The following TYK2 variants were observed in gnomAD, a reference collection of about 807,000 sequenced individuals.
TYK2 encodes non-receptor tyrosine-protein kinase TYK2.
Under a neutral mutation model 130.9 loss-of-function variants are expected in TYK2, and 65 were observed. That is an observed-to-expected ratio of 0.50 (90% CI 0.41 to 0.61). The LOEUF (loss-of-function observed/expected upper bound fraction) is 0.61. Ranked by LOEUF, TYK2 falls within the 20% of genes least tolerant of loss-of-function variation. TYK2 has a pLI of 0.00. For synonymous variants in TYK2, 647 were observed against 658.9 expected, an observed-to-expected ratio of 0.98 and a Z score of 0.28; for missense variants, 1,378 against 1,610.7, an observed-to-expected ratio of 0.86 and a Z score of 2.47.
chr19:10,356,816 G>T, intron 17 of TYK2, 98 bp from the exon 18 acceptor site: 1 of 1,307,120 alleles, frequency 7.7e-7, no homozygotes, highest in Non-Finnish European at 1.1e-6. Context: ...ACCGCCAGGT[G>T]CCCGCTCTTA....
intron 16 of TYK2, 41 bp downstream of exon 16, chr19:10,357,962 G>A: frequency 6.2e-7 from 1 of 1,613,464 alleles, no homozygotes; most frequent in Non-Finnish European, 8.5e-7. Context: ...AAAGGAGCAG[G>A]GGAAGCCCCC....
chr19:10,370,001 G>GC (rs2041846137), intron 3 of TYK2: 2 of 317,306 alleles, frequency 6.3e-6, no homozygotes, highest in Admixed American at 4.5e-5. Context: ...CCGAGATTGC[G>GC]CCACTGCACT....
chr19:10,359,288 C>T lies in TYK2; in HGVS notation c.2062G>A (p.Glu688Lys). 1 of 1,611,676 alleles carries T rather than the reference C, an allele frequency of 6.2e-7. No individual in the cohort carries two copies. The highest frequency in any genetic ancestry group is 8.5e-7 in the Non-Finnish European group (1 of 1,179,928). The change falls in exon 15 of 25, where the codon GAG becomes AAG. Residue 688 changes from glutamate to lysine, a missense_variant. Glu to Lys is a moderately conservative substitution (Grantham distance 56, BLOSUM62 1). Transcript: ENST00000525621. The part of the protein sequence containing the change: ...VRGPENIMVT[E>K]YVEHGPLDVW... The stretch of plus-strand genomic sequence containing the variant: ...TCCAGGGGTCCGTGCTCCACGTACT[C>T]TGTCACCATGATATCTGTAAAGACA...
At chr19:10,355,034 A>G in intron 18 of TYK2, among the ~76,000 whole-genome samples, 1 of 151,250 alleles carries the variant, frequency 6.6e-6, no homozygotes, top group South Asian at 2.1e-4. Context: ...TGTCTTTAAA[A>G]AAAAAAAAAA....
intron 3 of TYK2, among the ~76,000 whole-genome samples, chr19:10,377,324 GTGGATGGATGGATGGATGGATGGA>G (rs59020787): frequency 8.1e-5 from 11 of 135,588 alleles, no homozygotes; most frequent in South Asian, 7.6e-4. Flanking sequence ...GAATGAACGG[GTGGATGGATGGATGGATGGATGGA>G]TGGATGGATG....
At position 10,363,191 on chromosome 19, in the gene TYK2, T is replaced by C. The variant is rs1244351760; in HGVS notation, c.1368-534A>G. 5.4e-4 allele frequency among the ~76,000 whole-genome samples: 81 copies of C among 148,936 alleles called. 1 individual carries two copies. Among genetic ancestry groups the C allele is most frequent in the African/African-American group, 1.8e-3 (75 of 40,646 alleles). ...GTGCCCGGCTACCTGATCTCTCTTTTTTTTTTTTTTTTTTTTGAGACAGGG... is the reference window on the plus strand; with the variant it reads ...GTGCCCGGCTACCTGATCTCTCTTTCTTTTTTTTTTTTTTTTGAGACAGGG... On this transcript the variant is annotated intron_variant, in intron 9 of 24. Transcript: ENST00000525621.
intron 5 of TYK2, among the ~76,000 whole-genome samples, chr19:10,366,843 G>C (rs1181643357): frequency 1.3e-5 from 2 of 151,758 alleles, no homozygotes; most frequent in Non-Finnish European, 2.9e-5. Flanking sequence ...TCAGGAGTTT[G>C]AGACCAGCCT....
chr19:10,360,043 A>T (rs2041319143), intron 14 of TYK2, among the ~76,000 whole-genome samples: 1 of 150,896 alleles, frequency 6.6e-6, no homozygotes, highest in Admixed American at 6.6e-5. Context: ...TTAGCTGGGC[A>T]TGGTGGCACA....
rs200718118 is a variant in TYK2, at chr19:10,368,071, T to C, written c.449A>G (p.Glu150Gly). ...GMQLLDPASF[E>G]YLFEQGKHEF... ...TGCTCATACCTGCTCAAAGAGGTAC[T>C]CAAATGAGGCTGGGTCCAGGAGTTG... The change falls in exon 5 of 25, where the codon GAG (glutamate) becomes GGG (glycine). Residue 150 changes from glutamate (E) to glycine (G), a missense_variant. By Grantham distance (98) the Glu-to-Gly change is moderately conservative (BLOSUM62 -2). Coordinates refer to ENST00000525621, the MANE Select transcript of TYK2 (RefSeq NM_003331.5). The C allele has an allele frequency of 2.0e-4, 325 of 1,613,992 alleles. No individual in the cohort carries two copies. Among genetic ancestry groups the C allele is most frequent in the Non-Finnish European group, 2.7e-4 (314 of 1,180,022 alleles).
chr19:10,373,178 A>G (rs2041988865), intron 3 of TYK2, among the ~76,000 whole-genome samples: 1 of 149,882 alleles, frequency 6.7e-6, no homozygotes, highest in Non-Finnish European at 1.5e-5. Flanking sequence ...CTGGGATTAC[A>G]GGCGCCCGCC....
intron 23 of TYK2, among the ~76,000 whole-genome samples, chr19:10,352,037 C>T (rs1207916942): frequency 6.6e-6 from 1 of 151,004 alleles, no homozygotes; most frequent in Non-Finnish European, 1.5e-5. Flanking sequence ...CGCGCCCGGC[C>T]TATGCCTTTC....
In TYK2 at chr19:10,375,200, T is replaced by A. The variant is rs928083981; in HGVS notation, c.193+3014A>T. 4.0e-5 allele frequency among the ~76,000 whole-genome samples: 6 copies of A among 148,626 alleles called. No homozygotes were observed. The South Asian group carries it at 1.3e-3, about 31-fold the overall frequency. On this transcript the variant is annotated intron_variant, in intron 3 of 24. Coordinates refer to ENST00000525621, the MANE Select transcript of TYK2 (RefSeq NM_003331.5). The stretch of plus-strand genomic sequence containing the variant: ...AAAAAAAAAAAGACTCAGCCATCAA[T>A]GGGGAAGTAGGAAGTGTTATAAAAA...
chr19:10,368,562 C>G, intron 3 of TYK2, 144 bp from the exon 4 acceptor site: 1 of 1,229,524 alleles, frequency 8.1e-7, no homozygotes, highest in East Asian at 2.5e-5. Context: ...TGCCCCTGGG[C>G]AGAGGACAGT....
rs1568341065 is a variant in TYK2, at chr19:10,369,420, G to A, written c.194-1002C>T. 2.0e-5 allele frequency among the ~76,000 whole-genome samples: 3 copies of A among 151,874 alleles called. 1 individual carries two copies. In the East Asian group the frequency reaches 5.8e-4, roughly 29 times the overall value. On this transcript the variant is annotated intron_variant, in intron 3 of 24. Transcript: ENST00000525621. ...GCCACCCAGGTTGCAGTGCAGTGGT[G>A]CAATCCTAGCTCACTGCAGCCTCAA... is the stretch of plus-strand genomic sequence containing the variant.
rs1033198493 is a variant in TYK2 at position 10,379,603 on chromosome 19, G to A, written c.-21+12C>T. On this transcript the variant is annotated intron_variant, in intron 2 of 24. Coordinates refer to ENST00000525621, the MANE Select transcript of TYK2 (RefSeq NM_003331.5). ...CCAAAATAACCAGACAGGCAGATGT[G>A]GTCAAACATACCTGAGGGTGAGTCC... The A allele has an allele frequency of 1.3e-5, 2 of 152,024 alleles. No homozygotes were observed. Among genetic ancestry groups the A allele is most frequent in the African/African-American group, 2.4e-5 (1 of 41,394 alleles). The allele number at this position is 152,024 out of a possible 1,614,324, so 9.4% of individuals were successfully genotyped here.
chr19:10,353,270 G>C lies in TYK2; in HGVS notation c.3028-172C>G. On this transcript the variant is annotated intron_variant, in intron 21 of 24. Coordinates refer to ENST00000525621, the MANE Select transcript of TYK2 (RefSeq NM_003331.5). This position sits in a 1 kb window ranked among gnomAD's most constrained non-coding sequence, Gnocchi z 6.9. ...CACCAAGCAAAAGGAGGCTGAGCCA[G>C]AAAGCAGGGACGGGGCTAGACGAGC... is the stretch of plus-strand genomic sequence containing the variant. 2 of 610,008 alleles carry C rather than the reference G, an allele frequency of 3.3e-6. No individual in the cohort carries two copies. Among genetic ancestry groups the C allele is most frequent in the Non-Finnish European group, 5.4e-6 (2 of 368,802 alleles). The allele number at this position is 610,008 out of a possible 1,614,324, so 37.8% of individuals were successfully genotyped here. A position where few individuals can be genotyped will look rare whatever the true frequency, so the allele number is the denominator to read the frequency against.
Position 10,350,887 on chromosome 19 carries a change from TC to T in TYK2, c.3510del (p.Thr1171GlnfsTer103). 1 of 1,614,164 alleles carries T rather than the reference TC, an allele frequency of 6.2e-7. No individual in the cohort carries two copies. The highest frequency in any genetic ancestry group is 8.5e-7 in the Non-Finnish European group (1 of 1,180,038). ...TGGCCTTGGTACTTCTCATGGACTGTCTTCAGAATGGGTATGAGGTTCTCGA... is the reference window on the plus strand; with the variant it reads ...TGGCCTTGGTACTTCTCATGGACTGTTTCAGAATGGGTATGAGGTTCTCGA... Reference protein sequence around the residue: ...PTFENLIPILKTVHEKYQGQA... With the variant: ...PTFENLIPILXTVHEKYQGQA... On this transcript the variant is annotated frameshift_variant, in exon 25 of 25. Coordinates refer to ENST00000525621, the MANE Select transcript of TYK2 (RefSeq NM_003331.5). LOFTEE classifies it high-confidence loss of function.
intron 3 of TYK2, among the ~76,000 whole-genome samples, chr19:10,369,109 G>A (rs1031395780): frequency 5.9e-5 from 9 of 152,080 alleles, no homozygotes; most frequent in African/African-American, 9.7e-5. Flanking sequence ...GTGCTCGGCC[G>A]ATTTTAGGTA....
At chr19:10,357,516 T>C in intron 17 of TYK2, 1 of 712,118 alleles carries the variant, frequency 1.4e-6, no homozygotes, top group Non-Finnish European at 2.5e-6. Context: ...GCTGCCCTGG[T>C]CACTCTGCCT....
Sources: allele counts gnomAD v4.1 joint callset (sites outside exome capture counted in the v4.1 genomes callset), GRCh38; gene constraint gnomAD v4.1.1; non-coding constraint Gnocchi (gnomAD v3.1); transcripts MANE v1.5; gene names NCBI Gene and HGNC (gene_info 2026-07-23, HGNC 2026-07-21).